The following ZNF565 variants were observed in gnomAD, a reference collection of about 807,000 sequenced individuals.
The protein encoded by ZNF565 is zinc finger protein 565.
A neutral mutation model predicts 39.4 loss-of-function variants in ZNF565; 27 were observed. The observed-to-expected ratio is 0.69, with a 90% CI of 0.51 to 0.95. The LOEUF is 0.95. ZNF565 is among the 40% of genes least tolerant of loss of function. The pLI, the probability that ZNF565 is intolerant of heterozygous loss-of-function variation, is 0.00. For synonymous variants in ZNF565, 185 were observed against 216.6 expected (o/e 0.85, Z 1.28); for missense variants, 524 against 621.1 (o/e 0.84, Z 1.66).
intron 2 of ZNF565, among the ~76,000 whole-genome samples, chr19:36,198,908 C>A (rs947335021): frequency 2.0e-5 from 3 of 151,992 alleles, no homozygotes; most frequent in African/African-American, 7.2e-5. Context: ...CCTAAATGTA[C>A]ATTTTAAAAT....
rs1975981636 is a variant in ZNF565 at position 36,201,967 on chromosome 19, T to C, written c.9+10A>G. 3 of 1,613,718 alleles carry C rather than the reference T, an allele frequency of 1.9e-6. No homozygotes were observed. In the South Asian group the frequency reaches 3.3e-5, roughly 18 times the overall value. The stretch of plus-strand genomic sequence containing the variant: ...AGATCATTCTAAGGATAGAAGGAAT[T>C]TCAACATACCTGGGCCATGGCTTTT... On this transcript the variant is annotated intron_variant, in intron 2 of 4. Transcript: ENST00000304116.
intron 1 of ZNF565, among the ~76,000 whole-genome samples, chr19:36,239,675 A>G (rs913978415): frequency 6.6e-6 from 1 of 152,178 alleles, no homozygotes; most frequent in African/African-American, 2.4e-5. Context: ...TCCACAGTTC[A>G]GTGCATTAGA....
chr19:36,183,252 A>G lies in ZNF565; in HGVS notation c.714T>C (p.Leu238=), dbSNP rs1485229903. 2 of 1,613,742 alleles carry G rather than the reference A, an allele frequency of 1.2e-6. No homozygotes were observed. Among genetic ancestry groups the G allele is most frequent in the Admixed American group, 1.7e-5 (1 of 59,980 alleles). The change falls in exon 5 of 5, where the codon CTT becomes CTC. Residue 238 remains leucine (L), a synonymous_variant. Transcript: ENST00000304116. ...CAGTATGAAGTCTCTGATGTAGAAT[A>G]AGTTCTGATGTACGACCAAAGGCCT... ...CGKAFGRTSE[L]ILHQRLHTGV...
intron 4 of ZNF565, among the ~76,000 whole-genome samples, chr19:36,188,580 C>T (rs141095787): frequency 0.021 from 3,076 of 148,154 alleles, 61 homozygotes; most frequent in African/African-American, 0.062. Context: ...GGCATGGTGG[C>T]GGGTGCCTGT....
intron 1 of ZNF565, among the ~76,000 whole-genome samples, chr19:36,234,573 A>G (rs1195446272): frequency 6.6e-6 from 1 of 152,008 alleles, no homozygotes; most frequent in Non-Finnish European, 1.5e-5. Context: ...AATTTTTTGT[A>G]TTTTTAGTAG....
At chr19:36,243,699 G>T (rs947414089) in intron 1 of ZNF565, among the ~76,000 whole-genome samples, 2 of 151,964 alleles carry the variant, frequency 1.3e-5, no homozygotes, top group African/African-American at 4.8e-5. Context: ...GAGTGAGAGA[G>T]GGGTTCTTTT....
intron 1 of ZNF565, among the ~76,000 whole-genome samples, chr19:36,234,448 G>C (rs1977556693): frequency 6.6e-6 from 1 of 152,208 alleles, no homozygotes; most frequent in East Asian, 1.9e-4. Context: ...AGACTACCCA[G>C]TCTATGTTCA....
Position 36,245,473 on chromosome 19 carries a change from T to C in ZNF565, c.55+3A>G, listed in dbSNP as rs914585215. On this transcript the variant is annotated splice_donor_region_variant and intron_variant, in intron 1 of 4. Transcript: ENST00000355114. The surrounding 1 kb of genome is among the most constrained non-coding windows in gnomAD (Gnocchi z 4.4). The stretch of plus-strand genomic sequence containing the variant: ...GTGGTCCACCGCGCATCTAGGAGGT[T>C]ACCTGCGTCCAGGCGGTGACTTGCG... 1.7e-5 allele frequency: 12 copies of C among 701,924 alleles called. No individual in the cohort carries two copies. The highest frequency in any genetic ancestry group is 7.0e-5 in the African/African-American group (4 of 57,110). The allele number at this position is 701,924 out of a possible 1,614,324, so 43.5% of individuals were successfully genotyped here. A position where few individuals can be genotyped will look rare whatever the true frequency, so the allele number is the denominator to read the frequency against.
At chr19:36,213,664 G>A (rs898328661) in intron 1 of ZNF565, among the ~76,000 whole-genome samples, 8 of 151,362 alleles carry the variant, frequency 5.3e-5, no homozygotes, top group Non-Finnish European at 7.4e-5. Flanking sequence ...GGGATTACAG[G>A]TGTGAGCCAC....
intron 4 of ZNF565, among the ~76,000 whole-genome samples, chr19:36,185,179 C>T (rs1312222747): frequency 6.6e-6 from 1 of 151,060 alleles, no homozygotes; most frequent in African/African-American, 2.4e-5. Flanking sequence ...CTTTGGGAGA[C>T]TGAGGTGGGT....
Position 36,182,836 on chromosome 19 carries a change from T to A in ZNF565, c.1130A>T (p.Gln377Leu). 1 of 1,614,176 alleles carries A rather than the reference T, an allele frequency of 6.2e-7. No homozygotes were observed. The highest frequency in any genetic ancestry group is 8.5e-7 in the Non-Finnish European group (1 of 1,180,032). Residue 377 changes from glutamine to leucine, a missense_variant, in exon 5 of 5, where the codon CAG becomes CTG. Physicochemically the swap from Gln to Leu is moderately radical, Grantham distance 113. Transcript: ENST00000304116. ...ATGGACTCTCTGATGTCGTGTGAGCTGTGCGTGCTGTCTGAAGGCCTTCCC... is the reference window on the plus strand; with the variant it reads ...ATGGACTCTCTGATGTCGTGTGAGCAGTGCGTGCTGTCTGAAGGCCTTCCC... ...ECGKAFRQHA[Q>L]LTRHQRVHTG... is the part of the protein sequence containing the mutation.
At chr19:36,231,115 G>C (rs1461158863) in intron 1 of ZNF565, among the ~76,000 whole-genome samples, 1 of 152,132 alleles carries the variant, frequency 6.6e-6, no homozygotes, top group East Asian at 1.9e-4. Flanking sequence ...GACCACAACT[G>C]ACTTTGGGAG....
chr19:36,241,244 G>T (rs543112488), intron 1 of ZNF565, among the ~76,000 whole-genome samples: 182 of 152,182 alleles, frequency 1.2e-3, no homozygotes, highest in South Asian at 9.6e-3. Context: ...CCAGCACTTT[G>T]GGAGGCCAAG....
rs142514226 is a variant in ZNF565, at chr19:36,187,333, T to C, written c.233-3600A>G. Among the ~76,000 whole-genome samples, 117 of 151,962 alleles carry C rather than the reference T, an allele frequency of 7.7e-4. No homozygotes were observed. In the East Asian group the frequency reaches 0.012, roughly 16 times the overall value. On this transcript the variant is annotated intron_variant, in intron 4 of 4. Coordinates refer to ENST00000304116, the MANE Select transcript of ZNF565 (RefSeq NM_152477.5). ...ACACCTAATAGCCTCCTAATATATA[T>C]ATTTATTTTTATTTATTTTTTGAGA... is the stretch of plus-strand genomic sequence containing the variant.
At position 36,234,627 on chromosome 19, in the gene ZNF565, G is replaced by C. The variant is rs143428094; in HGVS notation, c.55+10849C>G. 1.6e-3 allele frequency among the ~76,000 whole-genome samples: 248 copies of C among 152,298 alleles called. 2 individuals are homozygous for C. Among genetic ancestry groups the C allele is most frequent in the African/African-American group, 5.8e-3 (239 of 41,562 alleles). ...TTAGCCAGGATGGTCTTGATCTCCT[G>C]ACCTCGTGATCCGCCCACCTCGGCC... On this transcript the variant is annotated intron_variant, in intron 1 of 4. Transcript: ENST00000355114.
At chr19:36,230,114 G>T (rs1167859102) in intron 1 of ZNF565, among the ~76,000 whole-genome samples, 1 of 152,140 alleles carries the variant, frequency 6.6e-6, no homozygotes, top group Non-Finnish European at 1.5e-5. Flanking sequence ...TGTTTATATT[G>T]CTTTGCAGAA....
At position 36,232,489 on chromosome 19, in the gene ZNF565, G is replaced by A. The variant is rs576906783; in HGVS notation, c.55+12987C>T. On this transcript the variant is annotated intron_variant, in intron 1 of 4. Transcript: ENST00000355114. ...CCGTCTATAGTCTGCATTATAATCC[G>A]GTTAAAAGGAAGGTCCATGTTTTAT... Among the ~76,000 whole-genome samples the A allele has an allele frequency of 7.9e-4, 120 of 152,106 alleles. 2 individuals carry two copies. The highest frequency in any genetic ancestry group is 4.2e-3 in the Admixed American group (64 of 15,278).
rs1975707070 is a variant in ZNF565, at chr19:36,195,053, T to G, written c.113A>C (p.Asn38Thr). ...ACCTAGTGAGGCCAAGTGACCAAAG[T>G]TCTCCAGAGTCACCTCCCTGTACAA... ...RDLYREVTLE[N>T]FGHLASLGLS... The change falls in exon 3 of 5, where the codon AAC becomes ACC. Residue 38 changes from asparagine to threonine, a missense_variant. By Grantham distance (65) the Asn-to-Thr change is moderately conservative. Coordinates refer to ENST00000304116, the MANE Select transcript of ZNF565 (RefSeq NM_152477.5). The G allele has an allele frequency of 6.2e-7, 1 of 1,614,000 alleles. No individual in the cohort carries two copies. The highest frequency in any genetic ancestry group is 1.7e-5 in the Admixed American group (1 of 59,954).
rs746993224 is a variant in ZNF565 at position 36,194,865 on chromosome 19, CT to C, written c.136+164del. 4.8e-6 allele frequency: 5 copies of C among 1,033,066 alleles called. No individual in the cohort carries two copies. In the South Asian group the frequency reaches 6.8e-5, roughly 14 times the overall value. 64.0% of individuals were successfully genotyped at this position (1,033,066 alleles called of 1,614,324 possible). A position where few individuals can be genotyped will look rare whatever the true frequency, so the allele number is the denominator to read the frequency against. On this transcript the variant is annotated intron_variant, in intron 3 of 4. Transcript: ENST00000304116. ...TTTGACCCAGGAGCTCTGGAAGTAG[CT>C]ACAGCTATTGCTGGCCGGGCCTCTC... is the stretch of plus-strand genomic sequence containing the variant.
Sources: gnomAD v4.1 joint callset for allele counts (sites outside exome capture counted in the v4.1 genomes callset) on GRCh38, gnomAD v4.1.1 for gene constraint, Gnocchi (gnomAD v3.1) non-coding constraint, MANE v1.5 for transcripts, NCBI Gene and HGNC (gene_info 2026-07-23, HGNC 2026-07-21) for gene names.